EIPR1: variants seen among roughly 807,000 people sequenced by gnomAD.
EIPR1 encodes the protein EARP complex and GARP complex interacting protein 1.
In EIPR1, 25 loss-of-function variants were observed where a neutral mutation model predicts 48.1. The ratio of observed to expected loss-of-function variants is 0.52; its 90% CI spans 0.38 to 0.73. The LOEUF (loss-of-function observed/expected upper bound fraction) is 0.73, where lower values mean the gene tolerates loss of function less well. Among genes scored for constraint, EIPR1 ranks in the 30% least tolerant of loss-of-function variants. The pLI, the probability that EIPR1 is intolerant of heterozygous loss-of-function variation, is 0.00. For synonymous variants in EIPR1, 204 were observed against 201.9 expected (o/e 1.01, Z -0.09); for missense variants, 415 against 506.2 (o/e 0.82, Z 1.73).
intron 4 of EIPR1, among the ~76,000 whole-genome samples, chr2:3,240,975 G>C (rs908373112): frequency 2.4e-5 from 3 of 124,662 alleles, no homozygotes; most frequent in Non-Finnish European, 3.6e-5. Flanking sequence ...CTAAAGCAAA[G>C]CCAGCAGATC....
At chr2:3,195,944 TGA>T (rs1664787599) in intron 6 of EIPR1, among the ~76,000 whole-genome samples, 1 of 152,238 alleles carries the variant, frequency 6.6e-6, no homozygotes, top group African/African-American at 2.4e-5. Flanking sequence ...CGTCAGTCTT[TGA>T]GTTTCTTGTT....
At chr2:3,341,681 A>T (rs1185009852) in intron 2 of EIPR1, among the ~76,000 whole-genome samples, 1 of 150,180 alleles carries the variant, frequency 6.7e-6, no homozygotes, top group Non-Finnish European at 1.5e-5. Flanking sequence ...AGGCAGGTGC[A>T]GGCGTGTGGG....
intron 5 of EIPR1, among the ~76,000 whole-genome samples, chr2:3,202,733 G>GT (rs1265992884): frequency 2.6e-5 from 4 of 152,162 alleles, no homozygotes; most frequent in Non-Finnish European, 4.4e-5. Flanking sequence ...TTCTAACTCC[G>GT]TAAGTGCTCC....
chr2:3,259,884 T>C (rs1286665394), intron 3 of EIPR1, among the ~76,000 whole-genome samples: 1 of 152,164 alleles, frequency 6.6e-6, no homozygotes, highest in Non-Finnish European at 1.5e-5. Context: ...TGAAAGAAAA[T>C]AAACTTGTAT....
chr2:3,316,151 CCAT>C (rs1388944904), intron 3 of EIPR1, among the ~76,000 whole-genome samples: 18 of 145,632 alleles, frequency 1.2e-4, no homozygotes, highest in African/African-American at 3.4e-4. Flanking sequence ...ATCACCACCA[CCAT>C]CATCACCACC....
At chr2:3,230,025 C>T (rs927853735) in intron 4 of EIPR1, among the ~76,000 whole-genome samples, 1 of 152,172 alleles carries the variant, frequency 6.6e-6, no homozygotes, top group African/African-American at 2.4e-5. Context: ...ACAATTCTTC[C>T]CCATCCATGA....
chr2:3,196,545 C>G (rs1156547629), intron 6 of EIPR1, among the ~76,000 whole-genome samples: 1 of 152,150 alleles, frequency 6.6e-6, no homozygotes, highest in South Asian at 2.1e-4. Flanking sequence ...CAGCCTGCAG[C>G]GGCTCATCAG....
At chr2:3,278,102 G>A (rs1667911282) in intron 3 of EIPR1, among the ~76,000 whole-genome samples, 1 of 152,110 alleles carries the variant, frequency 6.6e-6, no homozygotes, top group Non-Finnish European at 1.5e-5. Context: ...AACTTCACCT[G>A]GTCCCACCAC....
At chr2:3,374,485 C>A (rs1204178868) in intron 1 of EIPR1, among the ~76,000 whole-genome samples, 1 of 152,040 alleles carries the variant, frequency 6.6e-6, no homozygotes, top group African/African-American at 2.4e-5. Flanking sequence ...GCTCATCTGA[C>A]AAAGGGCTAA....
intron 4 of EIPR1, among the ~76,000 whole-genome samples, chr2:3,220,945 G>C (rs1402323166): frequency 6.7e-6 from 1 of 150,094 alleles, no homozygotes; most frequent in Non-Finnish European, 1.5e-5. Context: ...AGCATTTATA[G>C]TCAGGTGCAC....
rs1289107340 is a variant in EIPR1, at chr2:3,194,087, C to T, written c.733G>A (p.Ala245Thr). ...ACCTTACAGTCGTCTCCGCAGCTGG[C>T]CAAGTAGTACTGCTTATTGGGATTA... ...DFNPNKQYYL[A>T]SCGDDCKVKF... Residue 245 changes from alanine to threonine, a missense_variant, in exon 7 of 9, where the codon GCC becomes ACC. By Grantham distance (58) the Ala-to-Thr change is moderately conservative. Coordinates refer to ENST00000382125, the MANE Select transcript of EIPR1 (RefSeq NM_003310.5). 1 of 1,613,940 alleles carries T rather than the reference C, an allele frequency of 6.2e-7. No homozygotes were observed.
chr2:3,225,162 G>C (rs765990064), intron 4 of EIPR1, among the ~76,000 whole-genome samples: 2 of 151,658 alleles, frequency 1.3e-5, no homozygotes, highest in Non-Finnish European at 2.9e-5. Context: ...TTCCCCCCCA[G>C]ATTTATTGAA....
At chr2:3,368,611 G>A (rs908073674) in intron 1 of EIPR1, among the ~76,000 whole-genome samples, 1 of 152,202 alleles carries the variant, frequency 6.6e-6, no homozygotes, top group East Asian at 1.9e-4. Context: ...CAACAAAGAA[G>A]ATCTATTAAT....
chr2:3,205,952 C>T (rs1479504884), intron 5 of EIPR1, among the ~76,000 whole-genome samples: 1 of 152,166 alleles, frequency 6.6e-6, no homozygotes, highest in Non-Finnish European at 1.5e-5. Context: ...TACTATGACT[C>T]AAAAAACAGC....
chr2:3,320,892 T>C (rs1428707795), intron 3 of EIPR1, among the ~76,000 whole-genome samples: 2 of 152,192 alleles, frequency 1.3e-5, no homozygotes, highest in African/African-American at 4.8e-5. Context: ...AGAAGATAGG[T>C]CACCTGACTC....
chr2:3,361,109 C>T (rs1275994852), intron 1 of EIPR1, among the ~76,000 whole-genome samples: 1 of 152,148 alleles, frequency 6.6e-6, no homozygotes, highest in Non-Finnish European at 1.5e-5. Context: ...AAAATAAACC[C>T]TCCAGGAGAA....
chr2:3,360,118 G>A (rs1670817382), intron 1 of EIPR1, among the ~76,000 whole-genome samples: 1 of 152,162 alleles, frequency 6.6e-6, no homozygotes, highest in Non-Finnish European at 1.5e-5. Context: ...AAAGGCCAAG[G>A]CGAGTCTAGG....
At chr2:3,372,288 CCAAAATTGACACCTAACATCA>C (rs1193255843) in intron 1 of EIPR1, among the ~76,000 whole-genome samples, 2 of 150,898 alleles carry the variant, frequency 1.3e-5, no homozygotes, top group African/African-American at 4.9e-5. Context: ...CAGGAAAGAT[CCAAAATTGACACCTAACATCA>C]CAATTAAAAG....
chr2:3,356,274 G>A (rs1670726512), intron 1 of EIPR1, among the ~76,000 whole-genome samples: 1 of 152,234 alleles, frequency 6.6e-6, no homozygotes, highest in Non-Finnish European at 1.5e-5. Flanking sequence ...GCAATTCCTG[G>A]AGCAGGGCCC....
Sources: allele counts gnomAD v4.1 joint callset (sites outside exome capture counted in the v4.1 genomes callset), GRCh38; gene constraint gnomAD v4.1.1; transcripts MANE v1.5; gene names NCBI Gene and HGNC (gene_info 2026-07-23, HGNC 2026-07-21).